Variants in CARMIL1 observed in about 807,000 individuals in gnomAD.
CARMIL1 encodes the protein F-actin-uncapping protein LRRC16A.
Under a neutral mutation model 177.1 loss-of-function variants are expected in CARMIL1, and 90 were observed. The ratio of observed to expected loss-of-function variants is 0.51; its 90% confidence interval spans 0.43 to 0.61. The LOEUF (loss-of-function observed/expected upper bound fraction) is 0.61. Ranked by LOEUF, CARMIL1 falls within the 20% of genes least tolerant of loss-of-function variation. The pLI is 0.00. For missense variants in CARMIL1, 1,380 were observed against 1,667.0 expected (o/e 0.83, Z 3.00); for synonymous variants, 577 against 606.2 (o/e 0.95, Z 0.71).
chr6:25,450,828 C>T, intron 8 of CARMIL1, 117 bp downstream of exon 8: 1 of 380,158 alleles, frequency 2.6e-6, no homozygotes, highest in Non-Finnish European at 4.8e-6. Flanking sequence ...CCCTTCCCTC[C>T]CCTTCCCTCC....
At chr6:25,576,447 T>C (rs1448747689) in intron 29 of CARMIL1, among the ~76,000 whole-genome samples, 1 of 152,202 alleles carries the variant, frequency 6.6e-6, no homozygotes, top group Non-Finnish European at 1.5e-5. Flanking sequence ...TCAAAGCTGC[T>C]GCTCCTAAAA....
chr6:25,494,975 A>C, intron 15 of CARMIL1, 136 bp from the exon 16 acceptor site: 2 of 583,024 alleles, frequency 3.4e-6, no homozygotes, highest in Non-Finnish European at 6.1e-6. Flanking sequence ...TAGGTTTTGG[A>C]CATTTATTTG....
chr6:25,495,283 G>T lies in CARMIL1; in HGVS notation c.1325+68G>T, dbSNP rs192636333. Reference sequence around the variant, plus strand: ...CTTATTTTTACGAATGTGCTTGAGGGAAGGGAGAAAGATATATAATCCAAA... The same window carrying T: ...CTTATTTTTACGAATGTGCTTGAGGTAAGGGAGAAAGATATATAATCCAAA... On this transcript the variant is annotated intron_variant, in intron 16 of 36. Coordinates refer to ENST00000329474, the MANE Select transcript of CARMIL1 (RefSeq NM_017640.6). 8.3e-4 allele frequency: 891 copies of T among 1,071,412 alleles called. 6 individuals are homozygous for T. The highest frequency in any genetic ancestry group is 8.2e-3 in the Middle Eastern group (40 of 4,884). The allele number at this position is 1,071,412 out of a possible 1,614,324, so 66.4% of individuals were successfully genotyped here.
At chr6:25,603,088 T>C (rs1247974186) in intron 33 of CARMIL1, among the ~76,000 whole-genome samples, 1 of 152,202 alleles carries the variant, frequency 6.6e-6, no homozygotes, top group African/African-American at 2.4e-5. Context: ...ACTCCCAGGA[T>C]TGCTTTAGAG....
chr6:25,540,455 G>T (rs1411396938), intron 26 of CARMIL1, among the ~76,000 whole-genome samples: 8 of 152,174 alleles, frequency 5.3e-5, no homozygotes, highest in African/African-American at 1.4e-4. Context: ...TGGTGCTTAT[G>T]TGGGGAGTCT....
chr6:25,612,185 A>G (rs896118078), intron 36 of CARMIL1, among the ~76,000 whole-genome samples: 2 of 152,234 alleles, frequency 1.3e-5, no homozygotes, highest in Non-Finnish European at 1.5e-5. Flanking sequence ...GTCTGGGAAC[A>G]GTCTGTAAAT....
intron 10 of CARMIL1, 57 bp downstream of exon 10, chr6:25,471,314 C>G: frequency 1.7e-6 from 2 of 1,201,896 alleles, no homozygotes; most frequent in South Asian, 1.4e-5. Context: ...GCCATTTGCT[C>G]TTCTAATTAA....
chr6:25,400,762 G>A (rs1793820083), intron 2 of CARMIL1, among the ~76,000 whole-genome samples: 1 of 152,170 alleles, frequency 6.6e-6, no homozygotes, highest in South Asian at 2.1e-4. Context: ...TGATAGCAGA[G>A]GAAAGTCTGC....
intron 12 of CARMIL1, among the ~76,000 whole-genome samples, chr6:25,483,735 T>C (rs1475015211): frequency 6.6e-6 from 1 of 151,402 alleles, no homozygotes; most frequent in African/African-American, 2.4e-5. Context: ...CCGAGGTGGA[T>C]TGAAAAAAAG....
In CARMIL1 at chr6:25,556,864, T is replaced by A; in HGVS notation, c.2742+14T>A. ...GATACCTGTATGGTAAGACACATCC[T>A]CTGGTGGTACCGTTACCCTTTTCAC... On this transcript the variant is annotated intron_variant, in intron 29 of 36. Transcript: ENST00000329474. 2 of 1,612,036 alleles carry A rather than the reference T, an allele frequency of 1.2e-6. No homozygotes were observed. The highest frequency in any genetic ancestry group is 1.7e-6 in the Non-Finnish European group (2 of 1,178,754).
chr6:25,609,638 A>T (rs1443281149), intron 35 of CARMIL1, among the ~76,000 whole-genome samples: 3 of 152,204 alleles, frequency 2.0e-5, no homozygotes, highest in Non-Finnish European at 4.4e-5. Flanking sequence ...ATGCATACAC[A>T]TACACACATA....
rs561297714 is a variant in CARMIL1 at position 25,467,866 on chromosome 6, A to G, written c.690+1918A>G. On this transcript the variant is annotated intron_variant, in intron 9 of 36. Coordinates refer to ENST00000329474, the MANE Select transcript of CARMIL1 (RefSeq NM_017640.6). ...TACTCTACAGGTCTTCAAAAAGAAT[A>G]CTAAATTCTTGATGTTTTTTACCCA... 5.3e-5 allele frequency among the ~76,000 whole-genome samples: 8 copies of G among 152,340 alleles called. No individual in the cohort carries two copies. In the East Asian group the frequency reaches 1.5e-3, roughly 29 times the overall value.
chr6:25,577,093 G>A lies in CARMIL1; in HGVS notation c.2743-3831G>A. 1 of 985,362 alleles carries A rather than the reference G, an allele frequency of 1.0e-6. No homozygotes were observed. The highest frequency in any genetic ancestry group is 1.2e-6 in the Non-Finnish European group (1 of 829,930). The allele number at this position is 985,362 out of a possible 1,614,324, so 61.0% of individuals were successfully genotyped here. A position where few individuals can be genotyped will look rare whatever the true frequency, so the allele number is the denominator to read the frequency against. On this transcript the variant is annotated intron_variant, in intron 29 of 36. Coordinates refer to ENST00000329474, the MANE Select transcript of CARMIL1 (RefSeq NM_017640.6). The surrounding 1 kb of genome is among the most constrained non-coding windows in gnomAD (Gnocchi z 4.5). The stretch of plus-strand genomic sequence containing the variant: ...TGCCTGGCTGGTCTCCCAGGAGACT[G>A]TAGTGTTGTCATCCATCTGCAGATC...
In CARMIL1 at chr6:25,426,495, T is replaced by C. The variant is rs540225544; in HGVS notation, c.190-6T>C. Reference sequence around the variant, plus strand: ...CTTTTCTTTCCTCCTTTCCCCTCAATTGCAGCTCGAGTTAACCTTCAGCTA... The same window carrying C: ...CTTTTCTTTCCTCCTTTCCCCTCAACTGCAGCTCGAGTTAACCTTCAGCTA... On this transcript the variant is annotated splice_region_variant and splice_polypyrimidine_tract_variant and intron_variant, in intron 3 of 36. Transcript: ENST00000329474. 5.0e-6 allele frequency: 8 copies of C among 1,611,154 alleles called. No individual in the cohort carries two copies. In the Admixed American group the frequency reaches 1.3e-4, roughly 27 times the overall value.
chr6:25,304,185 TTGATA>T (rs1783084002), intron 2 of CARMIL1, among the ~76,000 whole-genome samples: 1 of 152,116 alleles, frequency 6.6e-6, no homozygotes, highest in Admixed American at 6.5e-5. Flanking sequence ...ACTGGGACAA[TTGATA>T]AAAATTACAG....
intron 2 of CARMIL1, among the ~76,000 whole-genome samples, chr6:25,402,383 G>C (rs755634749): frequency 6.6e-6 from 1 of 152,138 alleles, no homozygotes; most frequent in Non-Finnish European, 1.5e-5. Flanking sequence ...CAAAAACCAA[G>C]AAAATGTGTT....
intron 25 of CARMIL1, 21 bp from the exon 26 acceptor site, chr6:25,539,926 T>C (rs1808720411): frequency 6.5e-7 from 1 of 1,534,998 alleles, no homozygotes; most frequent in African/African-American, 1.4e-5. Flanking sequence ...CTAAAGAGGT[T>C]ATTTTTTATT....
intron 32 of CARMIL1, among the ~76,000 whole-genome samples, chr6:25,598,086 G>A (rs1562325087): frequency 6.6e-6 from 1 of 151,872 alleles, no homozygotes; most frequent in African/African-American, 2.4e-5. Context: ...CCTGAGGTGG[G>A]TTTTTTATTT....
chr6:25,457,880 C>T (rs111530604), intron 8 of CARMIL1, among the ~76,000 whole-genome samples: 2,364 of 152,306 alleles, frequency 0.016, 35 homozygotes, highest in African/African-American at 0.042. Flanking sequence ...GCTTTTCTCA[C>T]ATTGCAGGTT....
Sources: gnomAD v4.1 joint callset for allele counts (sites outside exome capture counted in the v4.1 genomes callset) on GRCh38, gnomAD v4.1.1 for gene constraint, Gnocchi (gnomAD v3.1) non-coding constraint, MANE v1.5 for transcripts, NCBI Gene and HGNC (gene_info 2026-07-23, HGNC 2026-07-21) for gene names.